FRAS1: variants seen among roughly 807,000 people sequenced by gnomAD.
FRAS1 encodes the protein Fraser extracellular matrix complex subunit 1.
Under a neutral mutation model 435.2 loss-of-function variants are expected in FRAS1, and 290 were observed. The ratio of observed to expected loss-of-function variants is 0.67; its 90% CI spans 0.61 to 0.73. FRAS1 has a LOEUF of 0.73. FRAS1 is among the 30% of genes least tolerant of loss of function. FRAS1 has a pLI of 0.00. For synonymous variants in FRAS1, 1,800 were observed against 1,851.0 expected, an observed-to-expected ratio of 0.97 and a Z score of 0.71; for missense variants, 4,860 against 5,001.5, an observed-to-expected ratio of 0.97 and a Z score of 0.85.
At chr4:78,228,997 C>G (rs1369581679) in intron 2 of FRAS1, among the ~76,000 whole-genome samples, 4 of 152,112 alleles carry the variant, frequency 2.6e-5, no homozygotes, top group African/African-American at 9.7e-5. Context: ...TCAAGTTTGC[C>G]TATTGTACCA....
At chr4:78,245,392 T>C in intron 4 of FRAS1, 67 bp downstream of exon 4, 1 of 1,145,216 alleles carries the variant, frequency 8.7e-7, no homozygotes, top group Non-Finnish European at 1.3e-6. Context: ...AAGCTGAATG[T>C]TAAACTTGTG....
Position 78,372,782 on chromosome 4 carries a change from T to G in FRAS1, c.2934T>G (p.Asp978Glu), listed in dbSNP as rs1466526912. 24 of 1,613,242 alleles carry G rather than the reference T, an allele frequency of 1.5e-5. No homozygotes were observed. The highest frequency in any genetic ancestry group is 2.0e-5 in the Non-Finnish European group (24 of 1,179,704). Residue 978 changes from aspartate (D) to glutamate (E), a missense_variant, in exon 24 of 74, where the codon GAT (aspartate) becomes GAG (glutamate). Physicochemically the swap from Asp to Glu is conservative, Grantham distance 45. Coordinates refer to ENST00000512123, the MANE Select transcript of FRAS1 (RefSeq NM_025074.7). ...AAACAGACTGCCTGCAGTGCATGGA[T>G]GGCTATGTTCTCCAGGATGGGGCCT... ...PLKTDCLQCM[D>E]GYVLQDGACV... is the part of the protein sequence containing the mutation.
intron 2 of FRAS1, among the ~76,000 whole-genome samples, chr4:78,175,659 A>G (rs1036914154): frequency 6.6e-6 from 1 of 152,186 alleles, no homozygotes; most frequent in Non-Finnish European, 1.5e-5. Flanking sequence ...CATTTCTGGG[A>G]ACCTGGAAGC....
At chr4:78,293,008 T>G (rs530608527) in intron 14 of FRAS1, among the ~76,000 whole-genome samples, 1 of 152,322 alleles carries the variant, frequency 6.6e-6, no homozygotes, top group African/African-American at 2.4e-5. Flanking sequence ...TCGATTCTGT[T>G]CATGCATAAA....
chr4:78,114,452 C>T (rs1306694606), intron 2 of FRAS1, among the ~76,000 whole-genome samples: 2 of 152,148 alleles, frequency 1.3e-5, no homozygotes, highest in East Asian at 3.8e-4. Context: ...TTGATTCTTC[C>T]TGCTCATGAG....
intron 5 of FRAS1, among the ~76,000 whole-genome samples, chr4:78,254,205 G>A (rs920605811): frequency 1.3e-5 from 2 of 152,086 alleles, no homozygotes; most frequent in African/African-American, 4.8e-5. Context: ...ACTAGGTAGT[G>A]TATACCGTAT....
At chr4:78,172,687 C>G (rs1721607904) in intron 2 of FRAS1, among the ~76,000 whole-genome samples, 2 of 151,824 alleles carry the variant, frequency 1.3e-5, no homozygotes, top group Non-Finnish European at 2.9e-5. Context: ...AATTAGTTTT[C>G]TTTCAGTTTT....
intron 70 of FRAS1, among the ~76,000 whole-genome samples, chr4:78,529,397 A>C (rs1721643982): frequency 6.6e-6 from 1 of 152,152 alleles, no homozygotes. Context: ...TCTACCACCC[A>C]CCTTAAGAAA....
At chr4:78,200,075 C>A (rs1195321644) in intron 2 of FRAS1, among the ~76,000 whole-genome samples, 1 of 152,220 alleles carries the variant, frequency 6.6e-6, no homozygotes, top group Non-Finnish European at 1.5e-5. Context: ...ACCACCATCA[C>A]CACCCTAACT....
chr4:78,439,153 C>G lies in FRAS1; in HGVS notation c.5529+89C>G, dbSNP rs375279944. ...AATGAAGGATTTCTGCCTAAATTGG[C>G]TGCCAAATATTTCCCCCAAAATATC... is the stretch of plus-strand genomic sequence containing the variant. On this transcript the variant is annotated intron_variant, in intron 40 of 73. Coordinates refer to ENST00000512123, the MANE Select transcript of FRAS1 (RefSeq NM_025074.7). 33 of 1,143,988 alleles carry G rather than the reference C, an allele frequency of 2.9e-5. 2 individuals carry two copies. The highest frequency in any genetic ancestry group is 2.4e-4 in the African/African-American group (15 of 62,568). 70.9% of individuals were successfully genotyped at this position (1,143,988 alleles called of 1,614,324 possible). A position where few individuals can be genotyped will look rare whatever the true frequency, so the allele number is the denominator to read the frequency against.
At chr4:78,511,248 T>C in intron 63 of FRAS1, 26 bp from the exon 64 acceptor site, 1 of 1,540,522 alleles carries the variant, frequency 6.5e-7, no homozygotes, top group East Asian at 2.3e-5. Context: ...GTACTCACAT[T>C]GGAGGTGATT....
At chr4:78,508,114 G>A (rs1292880303) in intron 62 of FRAS1, among the ~76,000 whole-genome samples, 1 of 152,136 alleles carries the variant, frequency 6.6e-6, no homozygotes, top group African/African-American at 2.4e-5. Context: ...GTACCTGTGG[G>A]AAGGTAGTAC....
chr4:78,073,931 T>G (rs1044713863), intron 2 of FRAS1, among the ~76,000 whole-genome samples: 2 of 152,184 alleles, frequency 1.3e-5, no homozygotes, highest in Non-Finnish European at 2.9e-5. Flanking sequence ...TAGCTTCTGG[T>G]GTCCCAGCTA....
intron 2 of FRAS1, among the ~76,000 whole-genome samples, chr4:78,159,794 TC>T (rs542126933): frequency 7.3e-4 from 111 of 152,210 alleles, no homozygotes; most frequent in African/African-American, 2.6e-3. Flanking sequence ...GGCAGGAGAA[TC>T]ACTTGAACCC....
intron 2 of FRAS1, among the ~76,000 whole-genome samples, chr4:78,153,446 G>A (rs1720757969): frequency 6.6e-6 from 1 of 152,166 alleles, no homozygotes; most frequent in Non-Finnish European, 1.5e-5. Flanking sequence ...ACCTCCTTCT[G>A]TCTAAACACT....
chr4:78,312,199 T>TATATATATATATATATATATA (rs1729053944), intron 15 of FRAS1, among the ~76,000 whole-genome samples: 1 of 148,502 alleles, frequency 6.7e-6, no homozygotes, highest in Non-Finnish European at 1.5e-5. Context: ...TATATATATA[T>TATATATATATATATATATATA]GGGTTTAAGT....
At chr4:78,147,098 G>A (rs1047279490) in intron 2 of FRAS1, among the ~76,000 whole-genome samples, 6 of 152,072 alleles carry the variant, frequency 3.9e-5, no homozygotes, top group Non-Finnish European at 8.8e-5. Context: ...TGACACAGCT[G>A]TTGCCCTGTC....
chr4:78,443,621 G>T (rs992885681), intron 41 of FRAS1, among the ~76,000 whole-genome samples: 5 of 152,160 alleles, frequency 3.3e-5, no homozygotes, highest in African/African-American at 1.2e-4. Flanking sequence ...TCGCCTGTGC[G>T]CATCAACACC....
At chr4:78,495,472 TGAC>T (rs1327352196) in intron 59 of FRAS1, among the ~76,000 whole-genome samples, 1 of 152,156 alleles carries the variant, frequency 6.6e-6, no homozygotes, top group East Asian at 1.9e-4. Flanking sequence ...GGGGCACTCA[TGAC>T]ATTTACACAT....
Sources: gnomAD v4.1 joint callset for allele counts (sites outside exome capture counted in the v4.1 genomes callset) on GRCh38, gnomAD v4.1.1 for gene constraint, MANE v1.5 for transcripts, NCBI Gene and HGNC (gene_info 2026-07-23, HGNC 2026-07-21) for gene names.